The following RUBCNL variants were observed in gnomAD, a reference collection of about 807,000 sequenced individuals.
RUBCNL encodes protein associated with UVRAG as autophagy enhancer.
A neutral mutation model predicts 69.5 loss-of-function variants in RUBCNL; 62 were observed. The observed-to-expected ratio is 0.89, with a 90% CI of 0.73 to 1.10. RUBCNL has a LOEUF of 1.10. Among genes scored for constraint, RUBCNL ranks in the 50% least tolerant of loss-of-function variants. RUBCNL has a pLI of 0.00. For missense variants in RUBCNL, 768 were observed against 798.1 expected, an observed-to-expected ratio of 0.96 and a Z score of 0.45; for synonymous variants, 291 against 303.6, an observed-to-expected ratio of 0.96 and a Z score of 0.43.
intron 2 of RUBCNL, among the ~76,000 whole-genome samples, chr13:46,374,892 T>G (rs1330127199): frequency 6.6e-6 from 1 of 152,220 alleles, no homozygotes; most frequent in Non-Finnish European, 1.5e-5. Flanking sequence ...CTCCCCCAGA[T>G]GATGACACAT....
At chr13:46,388,282 A>C (rs1178426872), upstream of RUBCNL, among the ~76,000 whole-genome samples, 2 of 142,508 alleles carry the variant, frequency 1.4e-5, no homozygotes, top group Non-Finnish European at 3.1e-5. Context: ...GGCAGGAAGG[A>C]ACCCAAGGGA....
At position 46,363,210 on chromosome 13, in the gene RUBCNL, C is replaced by A. The variant is rs866123788; in HGVS notation, c.830G>T (p.Cys277Phe). ...STSSYSGYEGCAVLQVSPVTE... is the reference protein window; with the variant it reads ...STSSYSGYEGFAVLQVSPVTE... Reference sequence around the variant, plus strand: ...CACTGGGCTGACCTGTAACACAGCACAACCTAGACAAAGAAAGGAAGGAGG... The same window carrying A: ...CACTGGGCTGACCTGTAACACAGCAAAACCTAGACAAAGAAAGGAAGGAGG... Residue 277 changes from cysteine to phenylalanine, a missense_variant, in exon 6 of 15, where the codon TGT (cysteine) becomes TTT (phenylalanine). Physicochemically the swap from Cys to Phe is radical, Grantham distance 205 (BLOSUM62 -2). Transcript: ENST00000429979. The A allele has an allele frequency of 1.3e-6, 2 of 1,495,648 alleles. No homozygotes were observed. The highest frequency in any genetic ancestry group is 1.8e-6 in the Non-Finnish European group (2 of 1,117,208). The allele number at this position is 1,495,648 out of a possible 1,614,324, so 92.6% of individuals were successfully genotyped here. A position where few individuals can be genotyped will look rare whatever the true frequency, so the allele number is the denominator to read the frequency against.
At chr13:46,346,745 AAAGAT>A (rs2048254006) in intron 12 of RUBCNL, among the ~76,000 whole-genome samples, 2 of 146,742 alleles carry the variant, frequency 1.4e-5, no homozygotes, top group Non-Finnish European at 3.0e-5. Flanking sequence ...CATCATCATT[AAAGAT>A]TAGAGACTGA....
intron 5 of RUBCNL, among the ~76,000 whole-genome samples, chr13:46,366,177 G>A (rs1026644803): frequency 4.6e-5 from 7 of 152,156 alleles, no homozygotes; most frequent in East Asian, 1.9e-4. Flanking sequence ...CAGAGGGCAC[G>A]ATCGTCCATA....
intron 12 of RUBCNL, among the ~76,000 whole-genome samples, chr13:46,348,276 C>T (rs911510415): frequency 3.3e-5 from 5 of 152,018 alleles, no homozygotes; most frequent in Non-Finnish European, 4.4e-5. Context: ...GATTGCATAA[C>T]GATGTTAATA....
At chr13:46,387,921 G>A, upstream of RUBCNL, 1 of 922,588 alleles carries the variant, frequency 1.1e-6, no homozygotes, top group Non-Finnish European at 1.3e-6. Flanking sequence ...AGAAACCTAA[G>A]CTCTGGCCGG....
rs745483056 is a variant in RUBCNL at position 46,335,545 on chromosome 13, T to C, written c.*7840A>G. Among the ~76,000 whole-genome samples the C allele has an allele frequency of 1.1e-4, 16 of 152,194 alleles. No homozygotes were observed. The highest frequency in any genetic ancestry group is 2.4e-4 in the Non-Finnish European group (16 of 68,034). ...AAAGAGGAGATAGGAGGTTTTTAATTAGGTTGAACCACACATGAAATTGCC... is the reference window on the plus strand; with the variant it reads ...AAAGAGGAGATAGGAGGTTTTTAATCAGGTTGAACCACACATGAAATTGCC... On this transcript the variant is annotated 3_prime_UTR_variant, in exon 15 of 15. Transcript: ENST00000429979.
intron 11 of RUBCNL, among the ~76,000 whole-genome samples, 157 bp downstream of exon 11, chr13:46,349,956 T>A (rs2048333650): frequency 6.6e-6 from 1 of 152,116 alleles, no homozygotes; most frequent in Non-Finnish European, 1.5e-5. Flanking sequence ...AGTGCTGGGA[T>A]TACAGGTGTG....
At chr13:46,384,704 C>G (rs914451916) in intron 1 of RUBCNL, among the ~76,000 whole-genome samples, 1 of 152,154 alleles carries the variant, frequency 6.6e-6, no homozygotes, top group Admixed American at 6.5e-5. Context: ...ATAGTTTATT[C>G]TAACTTCTAT....
In RUBCNL at chr13:46,345,529, A is replaced by C. The variant is rs1418933384; in HGVS notation, c.1703T>G (p.Leu568Arg). ...DELHLFSLED[L>R]VRIKKGLLAP... The stretch of plus-strand genomic sequence containing the variant: ...CAGCAGCCCTTTCTTGATCCTGACC[A>C]GGTCCTCAAGGGAGAACAGGTGGAG... The change falls in exon 13 of 15, where the codon CTG becomes CGG. Residue 568 changes from leucine to arginine, a missense_variant. By Grantham distance (102) the Leu-to-Arg change is moderately radical. Transcript: ENST00000429979. The C allele has an allele frequency of 4.3e-6, 7 of 1,612,622 alleles. No individual in the cohort carries two copies. The African/African-American group carries it at 9.3e-5, about 22-fold the overall frequency.
Position 46,340,878 on chromosome 13 carries a change from A to G in RUBCNL, c.*2507T>C, listed in dbSNP as rs2048137456. 6.6e-6 allele frequency among the ~76,000 whole-genome samples: 1 copy of G among 152,168 alleles called. No homozygotes were observed. Among genetic ancestry groups the G allele is most frequent in the Non-Finnish European group, 1.5e-5 (1 of 68,026 alleles). On this transcript the variant is annotated 3_prime_UTR_variant, in exon 15 of 15. Transcript: ENST00000429979. ...CTTGAGGGATCCACCCGCATGACCC[A>G]AACACCTCTTATTAGGCCTACCTTC...
chr13:46,344,698 A>C, intron 14 of RUBCNL, 43 bp downstream of exon 14: 1 of 1,267,834 alleles, frequency 7.9e-7, no homozygotes, highest in Non-Finnish European at 1.1e-6. Context: ...TAGTTTAATT[A>C]GTTAACCTAT....
chr13:46,342,322 G>A lies in RUBCNL; in HGVS notation c.*1063C>T, dbSNP rs1394534015. The A allele has an allele frequency of 6.6e-6, 1 of 152,128 alleles. No individual in the cohort carries two copies. The highest frequency in any genetic ancestry group is 1.5e-5 in the Non-Finnish European group (1 of 68,034). The allele number at this position is 152,128 out of a possible 1,614,324, so 9.4% of individuals were successfully genotyped here. A position where few individuals can be genotyped will look rare whatever the true frequency, so the allele number is the denominator to read the frequency against. On this transcript the variant is annotated 3_prime_UTR_variant, in exon 15 of 15. Transcript: ENST00000429979. Reference sequence around the variant, plus strand: ...TTTAGTTAGGGCATGTGAATCCCAGGGAATGTAATGCCCAAGCCCTAGGTT... The same window carrying A: ...TTTAGTTAGGGCATGTGAATCCCAGAGAATGTAATGCCCAAGCCCTAGGTT...
Position 46,368,223 on chromosome 13 carries a change from A to G in RUBCNL, c.645T>C (p.Asp215=). ...EKENAHFYVA[D]MIISAMEKMK... ...TTTTCTCCATTGCTGATATAATCAT[A>G]TCTGCAACATAAAAGTGGGCATTTT... The change falls in exon 5 of 15, where the codon GAT becomes GAC. Residue 215 remains aspartate (D), a synonymous_variant. Transcript: ENST00000429979. 1 of 1,613,788 alleles carries G rather than the reference A, an allele frequency of 6.2e-7. No individual in the cohort carries two copies. Among genetic ancestry groups the G allele is most frequent in the African/African-American group, 1.3e-5 (1 of 75,052 alleles).
At chr13:46,365,935 T>C (rs1040199549) in intron 5 of RUBCNL, among the ~76,000 whole-genome samples, 1 of 152,124 alleles carries the variant, frequency 6.6e-6, no homozygotes, top group Non-Finnish European at 1.5e-5. Flanking sequence ...AAGAACTAAA[T>C]TGTAGTCCTT....
chr13:46,385,665 G>GC (rs1434967616), intron 1 of RUBCNL, among the ~76,000 whole-genome samples: 2 of 101,132 alleles, frequency 2.0e-5, no homozygotes, highest in Non-Finnish European at 3.8e-5. Context: ...TAAAGATCAT[G>GC]CAAAAAAAAA....
At position 46,359,637 on chromosome 13, in the gene RUBCNL, TA is replaced by T. The variant is rs1566074706; in HGVS notation, c.1120-7del. The T allele has an allele frequency of 1.3e-5, 21 of 1,566,518 alleles. No individual in the cohort carries two copies. Among genetic ancestry groups the T allele is most frequent in the Non-Finnish European group, 1.8e-5 (21 of 1,154,162 alleles). ...ACACACTCTTCATTTACGACCTGCATAAGACATAAAATGATTTAGGAACAAC... is the reference window on the plus strand; with the variant it reads ...ACACACTCTTCATTTACGACCTGCATAGACATAAAATGATTTAGGAACAAC... On this transcript the variant is annotated splice_polypyrimidine_tract_variant and splice_region_variant and intron_variant, in intron 8 of 14. Transcript: ENST00000429979.
intron 10 of RUBCNL, among the ~76,000 whole-genome samples, chr13:46,352,344 T>C (rs1185673776): frequency 3.3e-5 from 5 of 152,206 alleles, no homozygotes; most frequent in African/African-American, 1.2e-4. Context: ...TTATCATTCA[T>C]AGTTTGAGTC....
chr13:46,358,419 G>A lies in RUBCNL; in HGVS notation c.1265+1067C>T, dbSNP rs141211815. On this transcript the variant is annotated intron_variant, in intron 9 of 14. Coordinates refer to ENST00000429979, the MANE Select transcript of RUBCNL (RefSeq NM_025113.5). ...TGATCATAATCTGTCCTATAGTCTC[G>A]GAACAAATTACAATTAAACTATTAC... Among the ~76,000 whole-genome samples, 439 of 152,084 alleles carry A rather than the reference G, an allele frequency of 2.9e-3. 2 individuals are homozygous for A. The highest frequency in any genetic ancestry group is 3.4e-3 in the Middle Eastern group (1 of 294).
Sources: allele counts gnomAD v4.1 joint callset (sites outside exome capture counted in the v4.1 genomes callset), GRCh38; gene constraint gnomAD v4.1.1; transcripts MANE v1.5; gene names NCBI Gene and HGNC (gene_info 2026-07-23, HGNC 2026-07-21).